Variants in TRPM6 observed in about 807,000 individuals in gnomAD.
The protein encoded by TRPM6 is transient receptor potential cation channel subfamily M member 6, also known as channel kinase 2.
TRPM6 carries 111 observed loss-of-function variants against 247.6 expected under a neutral mutation model. The observed-to-expected ratio is 0.45, with a 90% CI of 0.38 to 0.52. The LOEUF is 0.52. TRPM6 is among the 20% of genes least tolerant of loss of function. The pLI is 0.00. For synonymous variants in TRPM6, 892 were observed against 853.8 expected (o/e 1.04, Z -0.78); for missense variants, 2,126 against 2,421.5 (o/e 0.88, Z 2.56).
rs760668035 is a variant in TRPM6, at chr9:74,792,677, T to C, written c.2485A>G (p.Arg829Gly). ...GCACTGTAGAACTCATAGACTTTCC[T>C]GGTCCACGGAAGGTGTTGGTGCCCA... ...ESGHQHLPWT[R>G]KVYEFYSAPI... Residue 829 changes from arginine (R) to glycine (G), a missense_variant, in exon 19 of 39, where the codon AGG (arginine) becomes GGG (glycine). This residue lies in a region of TRPM6 where 1,082 missense variants were observed against 1,307.9 expected (regional missense o/e 0.83). Transcript: ENST00000360774. The C allele has an allele frequency of 4.3e-6, 7 of 1,614,032 alleles. No homozygotes were observed. The highest frequency in any genetic ancestry group is 1.1e-5 in the South Asian group (1 of 91,078).
intron 20 of TRPM6, among the ~76,000 whole-genome samples, chr9:74,787,752 G>C (rs184472288): frequency 1.2e-3 from 179 of 152,308 alleles, no homozygotes; most frequent in Admixed American, 2.0e-3. Flanking sequence ...GTCTCGCTCT[G>C]TCACACAGGC....
chr9:74,729,133 C>T (rs1197947153), intron 37 of TRPM6, among the ~76,000 whole-genome samples: 1 of 152,228 alleles, frequency 6.6e-6, no homozygotes, highest in Non-Finnish European at 1.5e-5. Flanking sequence ...GAGCAGAGCA[C>T]ACCAGAAACA....
At chr9:74,813,158 C>T (rs1828796071) in intron 11 of TRPM6, among the ~76,000 whole-genome samples, 1 of 152,168 alleles carries the variant, frequency 6.6e-6, no homozygotes, top group Non-Finnish European at 1.5e-5. Flanking sequence ...GCAAGTTGAA[C>T]ATGCTCATCT....
At chr9:74,842,743 C>A (rs62569714) in intron 3 of TRPM6, among the ~76,000 whole-genome samples, 1 of 152,206 alleles carries the variant, frequency 6.6e-6, no homozygotes, top group Admixed American at 6.5e-5. Flanking sequence ...TAAAAAACAA[C>A]GTACATAACT....
chr9:74,808,302 T>G (rs1474158488), intron 13 of TRPM6, 128 bp from the exon 14 acceptor site: 1 of 1,191,984 alleles, frequency 8.4e-7, no homozygotes, highest in South Asian at 1.3e-5. Flanking sequence ...CTTTACAAAC[T>G]GATTAATTTA....
At chr9:74,812,936 G>A (rs144115498) in intron 11 of TRPM6, among the ~76,000 whole-genome samples, 1 of 152,162 alleles carries the variant, frequency 6.6e-6, no homozygotes, top group East Asian at 1.9e-4. Context: ...AAATGTGCAG[G>A]ACTTAAGTGA....
intron 31 of TRPM6, 96 bp downstream of exon 31, chr9:74,747,793 C>T (rs192662531): frequency 9.2e-6 from 10 of 1,082,232 alleles, no homozygotes; most frequent in Admixed American, 4.0e-5. Flanking sequence ...ATCATAAATA[C>T]AATTTCAAGA....
Position 74,821,846 on chromosome 9 carries a change from G to A in TRPM6, c.842-9C>T, listed in dbSNP as rs188326699. 18 of 1,613,934 alleles carry A rather than the reference G, an allele frequency of 1.1e-5. No homozygotes were observed. In the African/African-American group the frequency reaches 2.4e-4, roughly 22 times the overall value. On this transcript the variant is annotated splice_polypyrimidine_tract_variant and intron_variant, in intron 7 of 38. Transcript: ENST00000360774. The stretch of plus-strand genomic sequence containing the variant: ...CACGCCTTGTCTTGAGCCTATTCCA[G>A]ACCACAAACAATACCACACTGTTAG...
intron 25 of TRPM6, among the ~76,000 whole-genome samples, chr9:74,768,936 A>G (rs1826919502): frequency 6.6e-6 from 1 of 152,182 alleles, no homozygotes; most frequent in African/African-American, 2.4e-5. Context: ...TCCTGTCCAC[A>G]TCTCATCTGT....
chr9:74,768,022 C>A (rs1225841674), intron 25 of TRPM6, among the ~76,000 whole-genome samples: 1 of 152,084 alleles, frequency 6.6e-6, no homozygotes, highest in Non-Finnish European at 1.5e-5. Context: ...CGGTACATAT[C>A]CATTTAATTT....
chr9:74,761,353 C>A (rs193249595), intron 27 of TRPM6, among the ~76,000 whole-genome samples: 2 of 152,226 alleles, frequency 1.3e-5, no homozygotes, highest in Non-Finnish European at 1.5e-5. Context: ...AAATTGAAAA[C>A]AACCCAAATG....
chr9:74,861,875 TCC>T (rs1830698662), intron 1 of TRPM6, among the ~76,000 whole-genome samples: 1 of 152,098 alleles, frequency 6.6e-6, no homozygotes, highest in South Asian at 2.1e-4. Context: ...GCTCACATCT[TCC>T]CTGGACTCCA....
chr9:74,882,208 G>C (rs1831386077), intron 1 of TRPM6, among the ~76,000 whole-genome samples: 1 of 152,110 alleles, frequency 6.6e-6, no homozygotes, highest in Non-Finnish European at 1.5e-5. Flanking sequence ...CTGATTCAGT[G>C]CTTCTTGGTT....
intron 2 of TRPM6, among the ~76,000 whole-genome samples, chr9:74,855,966 T>C (rs1830509359): frequency 6.6e-6 from 1 of 152,204 alleles, no homozygotes; most frequent in South Asian, 2.1e-4. Context: ...TATTAAACTA[T>C]GAAGATAACA....
Position 74,788,851 on chromosome 9 carries a change from C to G in TRPM6, c.2539-109G>C. 2.2e-6 allele frequency: 3 copies of G among 1,350,112 alleles called. No individual in the cohort carries two copies. The East Asian group carries it at 7.5e-5, about 34-fold the overall frequency. 83.6% of individuals were successfully genotyped at this position (1,350,112 alleles called of 1,614,324 possible). A position where few individuals can be genotyped will look rare whatever the true frequency, so the allele number is the denominator to read the frequency against. ...AGGCATGAACTTCAACATGATAACA[C>G]GAACACAGAACTAGGACCACCTTCG... On this transcript the variant is annotated intron_variant, in intron 19 of 38. Coordinates refer to ENST00000360774, the MANE Select transcript of TRPM6 (RefSeq NM_017662.5).
intron 27 of TRPM6, among the ~76,000 whole-genome samples, chr9:74,761,361 A>G (rs1826621359): frequency 6.6e-6 from 1 of 152,186 alleles, no homozygotes; most frequent in Non-Finnish European, 1.5e-5. Flanking sequence ...AACAACCCAA[A>G]TGTCCTTCAA....
chr9:74,799,152 G>A (rs1165619610), intron 17 of TRPM6, among the ~76,000 whole-genome samples: 1 of 152,092 alleles, frequency 6.6e-6, no homozygotes, highest in African/African-American at 2.4e-5. Context: ...TTTATGTTGA[G>A]ATCCTTTTTG....
chr9:74,757,006 G>C (rs1456075549), intron 27 of TRPM6, among the ~76,000 whole-genome samples: 1 of 151,712 alleles, frequency 6.6e-6, no homozygotes, highest in Non-Finnish European at 1.5e-5. Context: ...AGACTAGCCT[G>C]GCCAAAACTG....
rs910177719 is a variant in TRPM6, at chr9:74,724,183, T to G, written c.*430A>C. ...ACATAACTTTTTATGAACATATATA[T>G]AGACATAAATACAATCTGTGGGTGA... is the stretch of plus-strand genomic sequence containing the variant. On this transcript the variant is annotated 3_prime_UTR_variant, in exon 39 of 39. Transcript: ENST00000360774. 4.2e-6 allele frequency: 1 copy of G among 240,198 alleles called. No homozygotes were observed. Among genetic ancestry groups the G allele is most frequent in the Non-Finnish European group, 8.2e-6 (1 of 121,712 alleles). The allele number at this position is 240,198 out of a possible 1,614,324, so 14.9% of individuals were successfully genotyped here. A position where few individuals can be genotyped will look rare whatever the true frequency, so the allele number is the denominator to read the frequency against.
Sources: allele counts gnomAD v4.1 joint callset (sites outside exome capture counted in the v4.1 genomes callset), GRCh38; gene constraint gnomAD v4.1.1; regional missense constraint gnomAD v4.1.1; transcripts MANE v1.5; gene names NCBI Gene and HGNC (gene_info 2026-07-23, HGNC 2026-07-21).